TNRC6A: variants seen among roughly 807,000 people sequenced by gnomAD.
TNRC6A encodes the protein trinucleotide repeat containing adaptor 6A.
In TNRC6A, 44 loss-of-function variants were observed where a neutral mutation model predicts 221.2. The ratio of observed to expected loss-of-function variants is 0.20; its 90% CI spans 0.16 to 0.26. The LOEUF is 0.26. Among genes scored for constraint, TNRC6A ranks in the 10% least tolerant of loss-of-function variants. The pLI is 1.00. For synonymous variants in TNRC6A, 847 were observed against 838.5 expected, an observed-to-expected ratio of 1.01 and a Z score of -0.18; for missense variants, 2,199 against 2,404.4, an observed-to-expected ratio of 0.91 and a Z score of 1.79.
chr16:24,680,462 G>A (rs1041083258), intron 2 of TNRC6A, among the ~76,000 whole-genome samples: 1 of 151,406 alleles, frequency 6.6e-6, no homozygotes, highest in Non-Finnish European at 1.5e-5. Context: ...GCTCACACCT[G>A]TAATCCCAAC....
At chr16:24,761,659 C>T (rs2057366538) in intron 4 of TNRC6A, among the ~76,000 whole-genome samples, 1 of 151,934 alleles carries the variant, frequency 6.6e-6, no homozygotes, top group Non-Finnish European at 1.5e-5. Flanking sequence ...AATCCTCCTG[C>T]CTCCTGAGTA....
chr16:24,696,785 A>C (rs957385322), intron 2 of TNRC6A, among the ~76,000 whole-genome samples: 1 of 34,708 alleles, frequency 2.9e-5, no homozygotes, highest in Admixed American at 3.5e-4. Flanking sequence ...GGGGAGGGGG[A>C]GGGAGGGAGG....
In TNRC6A at chr16:24,790,243, G is replaced by C; in HGVS notation, c.1601G>C (p.Cys534Ser). Residue 534 changes from cysteine to serine, a missense_variant, in exon 6 of 25, where the codon TGT becomes TCT. Transcript: ENST00000395799. Reference protein sequence around the residue: ...AYGSNYSGDKCSGPNGQANGD... With the variant: ...AYGSNYSGDKSSGPNGQANGD... ...GGTTCTAATTACTCTGGAGACAAATGTTCAGGCCCTAATGGCCAAGCTAAT... is the reference window on the plus strand; with the variant it reads ...GGTTCTAATTACTCTGGAGACAAATCTTCAGGCCCTAATGGCCAAGCTAAT... 1 of 1,614,198 alleles carries C rather than the reference G, an allele frequency of 6.2e-7. No individual in the cohort carries two copies. Among genetic ancestry groups the C allele is most frequent in the Non-Finnish European group, 8.5e-7 (1 of 1,180,036 alleles).
At chr16:24,765,759 A>G (rs2057459225) in intron 4 of TNRC6A, among the ~76,000 whole-genome samples, 1 of 152,212 alleles carries the variant, frequency 6.6e-6, no homozygotes, top group Non-Finnish European at 1.5e-5. Context: ...TTCATGGGAA[A>G]TAGTTAATAA....
At chr16:24,647,335 C>T (rs978555620) in intron 2 of TNRC6A, among the ~76,000 whole-genome samples, 1 of 152,092 alleles carries the variant, frequency 6.6e-6, no homozygotes, top group Admixed American at 6.6e-5. Flanking sequence ...CATGTGTATA[C>T]GCGCATGCAT....
At chr16:24,660,273 C>G (rs1400518898) in intron 2 of TNRC6A, among the ~76,000 whole-genome samples, 1 of 152,092 alleles carries the variant, frequency 6.6e-6, no homozygotes, top group Admixed American at 6.6e-5. Context: ...TTGTGTCATT[C>G]TTATGCCTTT....
chr16:24,823,709 C>A lies in TNRC6A; in HGVS notation c.5791C>A (p.Pro1931Thr), dbSNP rs748601972. Residue 1931 changes from proline to threonine, a missense_variant, in exon 25 of 25, where the codon CCC becomes ACC. Pro to Thr is a conservative substitution (Grantham distance 38). This residue lies in a region of TNRC6A where 130 missense variants were observed against 121.7 expected (regional missense o/e 1.07). Transcript: ENST00000395799. This position sits in a 1 kb window ranked among gnomAD's most constrained non-coding sequence, Gnocchi z 4.3. ...GCATTATTCCACAAGCCTGTGGGGT[C>A]CCCCAAGCAGCAGCGACCCCCGAGG... is the stretch of plus-strand genomic sequence containing the variant. ...TPHYSTSLWG[P>T]PSSSDPRGIS... 5.1e-6 allele frequency: 8 copies of A among 1,570,626 alleles called. No individual in the cohort carries two copies. The highest frequency in any genetic ancestry group is 6.0e-6 in the Non-Finnish European group (7 of 1,158,434).
rs2058032757 is a variant in TNRC6A, at chr16:24,788,904, T to TC, written c.590-328_590-327insC. ...ACCTCGTGATCCACCCACCTCGGCCTTCCAGAGTGCTGGGATTACAAGCGT... is the reference window on the plus strand; with the variant it reads ...ACCTCGTGATCCACCCACCTCGGCCTCTCCAGAGTGCTGGGATTACAAGCGT... On this transcript the variant is annotated intron_variant, in intron 5 of 24. Coordinates refer to ENST00000395799, the MANE Select transcript of TNRC6A (RefSeq NM_014494.4). Among the ~76,000 whole-genome samples the TC allele has an allele frequency of 2.6e-5, 4 of 152,316 alleles. No individual in the cohort carries two copies. In the East Asian group the frequency reaches 7.7e-4, roughly 29 times the overall value.
At chr16:24,761,346 C>A (rs189647912) in intron 4 of TNRC6A, among the ~76,000 whole-genome samples, 2 of 152,104 alleles carry the variant, frequency 1.3e-5, no homozygotes, top group African/African-American at 2.4e-5. Flanking sequence ...ATGTCTCTTA[C>A]GAGTATGTCC....
rs1311725435 is a variant in TNRC6A, at chr16:24,806,721, C to T, written c.4477C>T (p.His1493Tyr). 1 of 1,614,068 alleles carries T rather than the reference C, an allele frequency of 6.2e-7. No homozygotes were observed. The highest frequency in any genetic ancestry group is 8.5e-7 in the Non-Finnish European group (1 of 1,180,032). ...MKSFLDNVMP[H>Y]TTPELQKGPS... ...GTCTTTCCTTGACAATGTCATGCCC[C>T]ACACTACACCTGAGCTGCAAAAAGG... The change falls in exon 17 of 25, where the codon CAC becomes TAC. Residue 1493 changes from histidine to tyrosine, a missense_variant. By Grantham distance (83) the His-to-Tyr change is moderately conservative. This residue lies in a region of TNRC6A where 449 missense variants were observed against 579.7 expected (regional missense o/e 0.77). Coordinates refer to ENST00000395799, the MANE Select transcript of TNRC6A (RefSeq NM_014494.4).
At chr16:24,687,843 G>GGAAGAGGAA (rs1555489486) in intron 2 of TNRC6A, among the ~76,000 whole-genome samples, 193 of 101,910 alleles carry the variant, frequency 1.9e-3, no homozygotes, top group African/African-American at 5.9e-3. Flanking sequence ...AAGAGGAAGA[G>GGAAGAGGAA]GAAGAAGAAG....
intron 2 of TNRC6A, among the ~76,000 whole-genome samples, chr16:24,666,668 A>AAAAAAAAAT (rs1555487103): frequency 4.6e-5 from 3 of 65,136 alleles, no homozygotes; most frequent in Non-Finnish European, 7.3e-5. Flanking sequence ...AAAAAAAAAA[A>AAAAAAAAAT]ATATATATAT....
intron 2 of TNRC6A, among the ~76,000 whole-genome samples, chr16:24,711,943 G>A (rs1243465182): frequency 6.6e-6 from 1 of 152,064 alleles, no homozygotes; most frequent in Non-Finnish European, 1.5e-5. Context: ...TTACAGGGAT[G>A]AGCTGCTATG....
rs148348756 is a variant in TNRC6A at position 24,650,582 on chromosome 16, T to C, written n.402+9573T>C. Among the ~76,000 whole-genome samples the C allele has an allele frequency of 5.0e-3, 767 of 152,056 alleles. 14 individuals are homozygous for C. Among genetic ancestry groups the C allele is most frequent in the African/African-American group, 0.018 (726 of 41,484 alleles). On this transcript the variant is annotated intron_variant and non_coding_transcript_variant, in intron 2 of 2. Coordinates refer to the TNRC6A transcript ENST00000566108. Reference sequence around the variant, plus strand: ...TGGGTGGCTGAGGCAGGAGAATCGCTTGAACCTGGGAGGCAGAGGTTGCAG... The same window carrying C: ...TGGGTGGCTGAGGCAGGAGAATCGCCTGAACCTGGGAGGCAGAGGTTGCAG...
intron 17 of TNRC6A, among the ~76,000 whole-genome samples, chr16:24,809,097 A>G (rs1323915585): frequency 6.6e-6 from 1 of 152,258 alleles, no homozygotes; most frequent in Non-Finnish European, 1.5e-5. Context: ...CTAAACAGAT[A>G]CATTTTATTC....
chr16:24,818,464 C>G (rs2058698649), intron 20 of TNRC6A, 129 bp from the exon 21 acceptor site: 1 of 719,750 alleles, frequency 1.4e-6, no homozygotes, highest in African/African-American at 1.7e-5. Context: ...CGGGCACCAT[C>G]TTACCCTGAG....
At chr16:24,668,951 G>A (rs982209059) in intron 2 of TNRC6A, among the ~76,000 whole-genome samples, 1 of 151,978 alleles carries the variant, frequency 6.6e-6, no homozygotes, top group East Asian at 1.9e-4. Context: ...GGAATGCGAC[G>A]ACACAATTAG....
chr16:24,716,519 A>C (rs2056315541), intron 2 of TNRC6A, among the ~76,000 whole-genome samples: 2 of 152,138 alleles, frequency 1.3e-5, no homozygotes, highest in Non-Finnish European at 1.5e-5. Flanking sequence ...AAATACAAAA[A>C]TTAGCCGAGC....
chr16:24,638,742 C>T (rs1439212099), intron 1 of TNRC6A, among the ~76,000 whole-genome samples: 1 of 151,938 alleles, frequency 6.6e-6, no homozygotes, highest in Non-Finnish European at 1.5e-5. Context: ...AAAACAAAAC[C>T]TCAGATGAAT....
Sources: gnomAD v4.1 joint callset for allele counts (sites outside exome capture counted in the v4.1 genomes callset) on GRCh38, gnomAD v4.1.1 for gene constraint, gnomAD v4.1.1 regional missense constraint, Gnocchi (gnomAD v3.1) non-coding constraint, MANE v1.5 for transcripts, NCBI Gene and HGNC (gene_info 2026-07-23, HGNC 2026-07-21) for gene names.